URGCP: variants seen among roughly 807,000 people sequenced by gnomAD.
The protein encoded by URGCP is up-regulator of cell proliferation.
In URGCP, 13 loss-of-function variants were observed where a neutral mutation model predicts 24.6. The ratio of observed to expected loss-of-function variants is 0.53; its 90% CI spans 0.34 to 0.84. URGCP has a LOEUF of 0.84. Among genes scored for constraint, URGCP ranks in the 40% least tolerant of loss-of-function variants. The probability of loss-of-function intolerance (pLI) is 0.01; values close to 1 mark genes in which losing one functional copy is unlikely to be tolerated. For missense variants in URGCP, 899 were observed against 1,194.3 expected (o/e 0.75, Z 3.64); for synonymous variants, 444 against 487.2 (o/e 0.91, Z 1.17).
At chr7:43,916,458 T>C (rs530091478) in intron 1 of URGCP, among the ~76,000 whole-genome samples, 3 of 152,224 alleles carry the variant, frequency 2.0e-5, no homozygotes, top group South Asian at 4.1e-4. Flanking sequence ...CCAAACTCAA[T>C]TCCAAGCTTT....
intron 3 of URGCP, among the ~76,000 whole-genome samples, chr7:43,882,385 G>T (rs980510562): frequency 1.3e-5 from 2 of 152,180 alleles, no homozygotes; most frequent in Non-Finnish European, 2.9e-5. Flanking sequence ...AGGAGGCGGG[G>T]GTTGCAGTGA....
chr7:43,896,784 C>T (rs2095879199), intron 1 of URGCP, among the ~76,000 whole-genome samples: 1 of 152,214 alleles, frequency 6.6e-6, no homozygotes, highest in Non-Finnish European at 1.5e-5. Context: ...CCCTGACACA[C>T]ATGCCTCAGA....
At chr7:43,918,407 C>A (rs2095917820) in intron 1 of URGCP, among the ~76,000 whole-genome samples, 4 of 151,838 alleles carry the variant, frequency 2.6e-5, no homozygotes, top group Admixed American at 2.6e-4. Flanking sequence ...TCTTGCCTCA[C>A]TGCAACCTCC....
chr7:43,906,667 G>C, upstream of URGCP: 1 of 1,057,690 alleles, frequency 9.5e-7, no homozygotes, highest in Non-Finnish European at 1.1e-6. Flanking sequence ...CCGGCCGCCC[G>C]CCCGCTCCGG....
At chr7:43,890,482 C>G (rs1254760251) in intron 1 of URGCP, among the ~76,000 whole-genome samples, 1 of 152,102 alleles carries the variant, frequency 6.6e-6, no homozygotes, top group East Asian at 1.9e-4. Flanking sequence ...TCCCAAAGTG[C>G]TGGGATTACA....
intron 1 of URGCP, among the ~76,000 whole-genome samples, chr7:43,897,584 G>T (rs959060122): frequency 6.6e-6 from 1 of 151,572 alleles, no homozygotes; most frequent in Admixed American, 6.6e-5. Context: ...AAGAGGAAGA[G>T]AAAAAAAATA....
At chr7:43,882,139 A>G in intron 3 of URGCP, 182 bp from the exon 4 acceptor site, 1 of 1,027,982 alleles carries the variant, frequency 9.7e-7, no homozygotes, top group South Asian at 1.9e-5. Context: ...GTCTACAAAG[A>G]CTTTTTTTAA....
chr7:43,892,897 C>T (rs1356877068), intron 1 of URGCP, among the ~76,000 whole-genome samples: 1 of 152,074 alleles, frequency 6.6e-6, no homozygotes, highest in South Asian at 2.1e-4. Flanking sequence ...CCACTAGACT[C>T]GGCCTACAAG....
chr7:43,902,131 A>G, intron 1 of URGCP, among the ~76,000 whole-genome samples: 1 of 109,988 alleles, frequency 9.1e-6, no homozygotes, highest in Non-Finnish European at 1.8e-5. Context: ...GAGAGGGAGG[A>G]GGAGGGGAAG....
chr7:43,891,763 C>T (rs910959625), intron 1 of URGCP, among the ~76,000 whole-genome samples: 5 of 152,010 alleles, frequency 3.3e-5, no homozygotes, highest in African/African-American at 7.2e-5. Context: ...TTACAGCATG[C>T]GCTACCACAC....
upstream of URGCP, chr7:43,926,617 C>A (rs2095931335): frequency 2.0e-6 from 3 of 1,501,428 alleles, no homozygotes; most frequent in East Asian, 5.4e-5. Context: ...GTGGGCGGGG[C>A]GCCGCTGCCG....
chr7:43,886,861 A>T (rs1368458290), intron 3 of URGCP, among the ~76,000 whole-genome samples: 1 of 152,254 alleles, frequency 6.6e-6, no homozygotes, highest in Non-Finnish European at 1.5e-5. Context: ...ACCATACCTT[A>T]AAGGTGAATT....
chr7:43,901,997 T>C (rs13246966), intron 1 of URGCP, among the ~76,000 whole-genome samples: 3 of 151,814 alleles, frequency 2.0e-5, no homozygotes, highest in Non-Finnish European at 4.4e-5. Flanking sequence ...TCCAGCTGAA[T>C]GTTTAAAGGA....
At chr7:43,915,100 C>T (rs982150588) in intron 1 of URGCP, among the ~76,000 whole-genome samples, 1 of 152,228 alleles carries the variant, frequency 6.6e-6, no homozygotes, top group South Asian at 2.1e-4. Context: ...AGGTGGGAGC[C>T]TGTTGGCAGG....
intron 5 of URGCP, chr7:43,879,591 A>G (rs2095850874): frequency 4.0e-6 from 1 of 250,860 alleles, no homozygotes; most frequent in Non-Finnish European, 7.7e-6. Flanking sequence ...GAAACCTGTA[A>G]GATCTAACAC....
intron 1 of URGCP, chr7:43,905,603 CT>C (rs2095900273): frequency 6.6e-6 from 1 of 152,242 alleles, no homozygotes; most frequent in African/African-American, 2.4e-5. Flanking sequence ...CTCCCCACCC[CT>C]ACCACTGAAC....
chr7:43,879,319 G>A, intron 5 of URGCP, 59 bp from the exon 6 acceptor site: 1 of 1,528,352 alleles, frequency 6.5e-7, no homozygotes, highest in Non-Finnish European at 8.7e-7. Flanking sequence ...AGGGGCCAGG[G>A]AAGAGCTGGT....
Position 43,877,410 on chromosome 7 carries a change from G to T in URGCP, c.2053C>A (p.Arg685=). The change falls in exon 6 of 6, where the codon CGA becomes AGA. Residue 685 remains arginine (R), a synonymous_variant. Transcript: ENST00000453200. Reference sequence around the variant, plus strand: ...ACCAGCCTTGACCGTCTCTCCAGTCGGACGTGCAGCTCCTTCAGGAGCCCT... The same window carrying T: ...ACCAGCCTTGACCGTCTCTCCAGTCTGACGTGCAGCTCCTTCAGGAGCCCT... ...VTGLLKELHV[R]LERRSRLVVL... is the part of the protein sequence containing the mutation. 2 of 1,613,454 alleles carry T rather than the reference G, an allele frequency of 1.2e-6. No homozygotes were observed. The highest frequency in any genetic ancestry group is 1.7e-6 in the Non-Finnish European group (2 of 1,180,030).
At chr7:43,904,010 C>A (rs142369179) in intron 1 of URGCP, among the ~76,000 whole-genome samples, 2 of 152,204 alleles carry the variant, frequency 1.3e-5, no homozygotes, top group African/African-American at 4.8e-5. Context: ...GAGGCCTGTT[C>A]GAAAGAGGGG....
Sources: allele counts gnomAD v4.1 joint callset (sites outside exome capture counted in the v4.1 genomes callset), GRCh38; gene constraint gnomAD v4.1.1; transcripts MANE v1.5; gene names NCBI Gene and HGNC (gene_info 2026-07-23, HGNC 2026-07-21).